The following GRID2 variants were observed in gnomAD, a reference collection of about 807,000 sequenced individuals.
The protein encoded by GRID2 is glutamate receptor ionotropic, delta-2.
GRID2 carries 33 observed loss-of-function variants against 114.8 expected under a neutral mutation model. That is an observed-to-expected ratio of 0.29 (90% CI 0.22 to 0.38). GRID2 has a LOEUF of 0.38. Ranked by LOEUF, GRID2 falls within the 10% of genes least tolerant of loss-of-function variation. GRID2 has a pLI of 1.00. For synonymous variants in GRID2, 505 were observed against 449.9 expected (o/e 1.12, Z -1.55); for missense variants, 1,184 against 1,257.7 (o/e 0.94, Z 0.89).
At chr4:92,996,953 A>G (rs998447952) in intron 2 of GRID2, among the ~76,000 whole-genome samples, 1 of 152,168 alleles carries the variant, frequency 6.6e-6, no homozygotes, top group African/African-American at 2.4e-5. Context: ...AAATATGGCT[A>G]TTTAAAAGTG....
rs1345667298 is a variant in GRID2 at position 93,371,340 on chromosome 4, A to G, written c.1246-24267A>G. 3.3e-5 allele frequency among the ~76,000 whole-genome samples: 5 copies of G among 152,064 alleles called. No homozygotes were observed. The East Asian group carries it at 9.6e-4, about 29-fold the overall frequency. On this transcript the variant is annotated intron_variant, in intron 8 of 15. Coordinates refer to ENST00000282020, the MANE Select transcript of GRID2 (RefSeq NM_001510.4). ...ATTAGGGAACTGCCCATGTTTAGCC[A>G]TTACTGTGTTCTGTTATTCCTTTTT...
At chr4:93,608,107 C>CATATATATACACATATATGTATATAT in intron 13 of GRID2, among the ~76,000 whole-genome samples, 1 of 82,160 alleles carries the variant, frequency 1.2e-5, no homozygotes, top group Non-Finnish European at 2.9e-5. Context: ...TGTATATATA[C>CATATATATACACATATATGTATATAT]ACACACACAT....
chr4:93,713,400 A>C (rs1578638015), intron 14 of GRID2, among the ~76,000 whole-genome samples: 1 of 152,056 alleles, frequency 6.6e-6, no homozygotes, highest in African/African-American at 2.4e-5. Flanking sequence ...GGTGGACTTC[A>C]TAACTTTGAC....
At chr4:92,815,133 G>C (rs1042384821) in intron 2 of GRID2, among the ~76,000 whole-genome samples, 6 of 151,912 alleles carry the variant, frequency 3.9e-5, no homozygotes, top group African/African-American at 1.4e-4. Flanking sequence ...TTCCTTTTGT[G>C]CCCAGGATTT....
intron 4 of GRID2, among the ~76,000 whole-genome samples, chr4:93,131,533 A>T (rs1199006537): frequency 6.6e-6 from 1 of 151,794 alleles, no homozygotes; most frequent in Non-Finnish European, 1.5e-5. Flanking sequence ...AGTAAATTAT[A>T]TTTATTTATT....
At chr4:93,446,565 T>G (rs990391278) in intron 10 of GRID2, among the ~76,000 whole-genome samples, 3 of 152,078 alleles carry the variant, frequency 2.0e-5, no homozygotes, top group African/African-American at 7.2e-5. Flanking sequence ...ATAGTACCTA[T>G]GCACACAATG....
At chr4:93,802,977 T>C (rs1000469017) in intron 1 of GRID2, among the ~76,000 whole-genome samples, 3 of 152,216 alleles carry the variant, frequency 2.0e-5, no homozygotes, top group Admixed American at 2.0e-4. Flanking sequence ...CAGGTTTTCT[T>C]AGCAGACTAA....
chr4:92,926,544 C>T (rs543319759), intron 2 of GRID2, among the ~76,000 whole-genome samples: 33 of 152,016 alleles, frequency 2.2e-4, no homozygotes, highest in African/African-American at 7.5e-4. Context: ...TTACCAAAGA[C>T]ATCCTTTCAA....
intron 2 of GRID2, among the ~76,000 whole-genome samples, chr4:93,078,288 G>A (rs147898937): frequency 6.6e-6 from 1 of 151,988 alleles, no homozygotes; most frequent in Non-Finnish European, 1.5e-5. Context: ...TGTAGCAAAG[G>A]CTTCCCCAAT....
At chr4:93,311,966 A>C (rs1756066095) in intron 8 of GRID2, among the ~76,000 whole-genome samples, 1 of 152,196 alleles carries the variant, frequency 6.6e-6, no homozygotes, top group African/African-American at 2.4e-5. Flanking sequence ...AGAGAAGAAA[A>C]AGATAAATTC....
intron 1 of GRID2, among the ~76,000 whole-genome samples, chr4:92,572,253 A>G (rs965768799): frequency 2.4e-4 from 37 of 152,172 alleles, no homozygotes; most frequent in African/African-American, 8.0e-4. Flanking sequence ...TACTATAAAC[A>G]CCTCTCTGCA....
At chr4:93,523,850 T>C (rs1186516448) in intron 13 of GRID2, among the ~76,000 whole-genome samples, 3 of 152,162 alleles carry the variant, frequency 2.0e-5, no homozygotes, top group African/African-American at 7.2e-5. Context: ...CTCTGCACCA[T>C]GTTGCACAAA....
Position 93,643,908 on chromosome 4 carries a change from C to G in GRID2, c.2360+17473C>G, listed in dbSNP as rs1435258047. On this transcript the variant is annotated intron_variant, in intron 14 of 15. Transcript: ENST00000282020. ...TGGGCAATGGCGGGCGCCCCTCCCC[C>G]AGCCTAGTTGCCGCCTTGCAGTTTG... Among the ~76,000 whole-genome samples, 2 of 102,644 alleles carry G rather than the reference C, an allele frequency of 1.9e-5. 1 individual carries two copies. The highest frequency in any genetic ancestry group is 3.8e-5 in the Non-Finnish European group (2 of 52,390). 67.3% of individuals were successfully genotyped at this position (102,644 alleles called of 152,430 possible).
chr4:92,560,145 G>T (rs12650228), intron 1 of GRID2, among the ~76,000 whole-genome samples: 32,393 of 152,124 alleles, frequency 0.21, 3,794 homozygotes, highest in South Asian at 0.29. Context: ...GTGCCTTCTT[G>T]AGGAAGGATA....
At chr4:92,915,878 C>T (rs1748751563) in intron 2 of GRID2, among the ~76,000 whole-genome samples, 1 of 152,042 alleles carries the variant, frequency 6.6e-6, no homozygotes, top group South Asian at 2.1e-4. Context: ...TGAAACGTAT[C>T]TGTTTATGTC....
intron 1 of GRID2, among the ~76,000 whole-genome samples, chr4:92,463,654 A>T (rs1400041581): frequency 6.6e-6 from 1 of 151,980 alleles, no homozygotes; most frequent in Non-Finnish European, 1.5e-5. Context: ...GGCACTGTTT[A>T]TTCACTTCTG....
intron 1 of GRID2, among the ~76,000 whole-genome samples, chr4:93,784,593 A>C (rs1734553945): frequency 6.6e-6 from 1 of 151,882 alleles, no homozygotes; most frequent in Non-Finnish European, 1.5e-5. Context: ...GGAAAAAAAA[A>C]ATTTGTTGAT....
At chr4:93,137,777 T>C (rs2149382528) in intron 4 of GRID2, among the ~76,000 whole-genome samples, 1 of 152,168 alleles carries the variant, frequency 6.6e-6, no homozygotes, top group East Asian at 1.9e-4. Context: ...TATCATGAAA[T>C]CAAAACATGT....
intron 2 of GRID2, among the ~76,000 whole-genome samples, chr4:92,864,162 C>A (rs916066390): frequency 7.2e-5 from 11 of 152,118 alleles, no homozygotes; most frequent in African/African-American, 2.7e-4. Context: ...TTGACATAAA[C>A]CTGGGTTCAC....
Sources: gnomAD v4.1 joint callset for allele counts (sites outside exome capture counted in the v4.1 genomes callset) on GRCh38, gnomAD v4.1.1 for gene constraint, MANE v1.5 for transcripts, NCBI Gene and HGNC (gene_info 2026-07-23, HGNC 2026-07-21) for gene names.